The following THSD4 variants were observed in gnomAD, a reference collection of about 807,000 sequenced individuals.
THSD4 encodes the protein thrombospondin type-1 domain-containing protein 4.
In THSD4, 69 loss-of-function variants were observed where a neutral mutation model predicts 119.0. The ratio of observed to expected loss-of-function variants is 0.58; its 90% CI spans 0.48 to 0.71. The LOEUF (loss-of-function observed/expected upper bound fraction) is 0.71. Ranked by LOEUF, THSD4 falls within the 30% of genes least tolerant of loss-of-function variation. The pLI, the probability that THSD4 is intolerant of heterozygous loss-of-function variation, is 0.00. For synonymous variants in THSD4, 524 were observed against 540.4 expected, an observed-to-expected ratio of 0.97 and a Z score of 0.42; for missense variants, 1,393 against 1,391.1, an observed-to-expected ratio of 1.00 and a Z score of -0.02.
chr15:71,328,340 G>A (rs1596339981), intron 6 of THSD4, among the ~76,000 whole-genome samples: 1 of 152,178 alleles, frequency 6.6e-6, no homozygotes, highest in East Asian at 1.9e-4. Context: ...ATAGCTTGGT[G>A]GGTGAAGAAT....
chr15:71,716,581 T>TGTGTGTGTGTGTGTGTGTGTGTG (rs1567116002), intron 8 of THSD4, among the ~76,000 whole-genome samples: 1 of 43,336 alleles, frequency 2.3e-5, no homozygotes, highest in Non-Finnish European at 5.6e-5. Context: ...TGTGTGTGTG[T>TGTGTGTGTGTGTGTGTGTGTGTG]TGGTTTTTGT....
intron 5 of THSD4, among the ~76,000 whole-genome samples, chr15:71,252,905 C>A (rs1362707641): frequency 6.6e-6 from 1 of 151,148 alleles, no homozygotes; most frequent in Admixed American, 6.6e-5. Context: ...TCAGTCCAGG[C>A]TTCTGCCTTC....
chr15:71,482,169 G>C (rs1343330312), intron 7 of THSD4, among the ~76,000 whole-genome samples: 7 of 152,186 alleles, frequency 4.6e-5, no homozygotes, highest in African/African-American at 1.7e-4. Context: ...AACTACAGTT[G>C]ATTCAGTGGC....
At chr15:71,146,598 A>G (rs1039598359) in intron 2 of THSD4, among the ~76,000 whole-genome samples, 1 of 152,164 alleles carries the variant, frequency 6.6e-6, no homozygotes, top group Non-Finnish European at 1.5e-5. Flanking sequence ...TGTCACTACA[A>G]AGCAATAGCA....
At chr15:71,372,689 CG>C (rs1044191987) in intron 6 of THSD4, among the ~76,000 whole-genome samples, 44 of 152,332 alleles carry the variant, frequency 2.9e-4, no homozygotes, top group African/African-American at 9.6e-4. Context: ...GTGCCCCTAC[CG>C]GGGGGTGCCT....
At chr15:71,645,408 T>C (rs944796107) in intron 7 of THSD4, among the ~76,000 whole-genome samples, 2 of 152,100 alleles carry the variant, frequency 1.3e-5, no homozygotes, top group Admixed American at 1.3e-4. Flanking sequence ...TCAGATCTCA[T>C]GAGAACTTAC....
chr15:71,332,891 C>CTTTTTTTTTTTTT lies in THSD4; in HGVS notation c.1015+76176_1015+76177insTTTTTTTTTTTTT, dbSNP rs1184457820. ...TTCTTAAAACATTGAGATTTTTTTA[C>CTTTTTTTTTTTTT]ATTTTTTTTTTTTTTTTAGTTCATC... On this transcript the variant is annotated intron_variant, in intron 6 of 17. Transcript: ENST00000261862. Among the ~76,000 whole-genome samples, 50 of 38,042 alleles carry CTTTTTTTTTTTTT rather than the reference C, an allele frequency of 1.3e-3. 7 individuals are homozygous for CTTTTTTTTTTTTT. Among genetic ancestry groups the CTTTTTTTTTTTTT allele is most frequent in the Middle Eastern group, 0.013 (1 of 80 alleles). 25.0% of individuals were successfully genotyped at this position (38,042 alleles called of 152,430 possible).
At position 71,783,001 on chromosome 15, in the gene THSD4, T is replaced by G. The variant is rs2054020813; in HGVS notation, c.*5627T>G. The stretch of plus-strand genomic sequence containing the variant: ...AGGCTGAGAGGGAAGTGGTGGCATT[T>G]ACTGCTCTGACACTTCCACTGTCCC... On this transcript the variant is annotated 3_prime_UTR_variant, in exon 18 of 18. Transcript: ENST00000261862. 1 of 152,310 alleles carries G rather than the reference T, an allele frequency of 6.6e-6. No homozygotes were observed. Among genetic ancestry groups the G allele is most frequent in the African/African-American group, 2.4e-5 (1 of 41,452 alleles). The allele number at this position is 152,310 out of a possible 1,614,324, so 9.4% of individuals were successfully genotyped here. A position where few individuals can be genotyped will look rare whatever the true frequency, so the allele number is the denominator to read the frequency against.
intron 7 of THSD4, among the ~76,000 whole-genome samples, chr15:71,427,196 TATACAC>T (rs1384256810): frequency 3.5e-5 from 5 of 143,014 alleles, no homozygotes; most frequent in Non-Finnish European, 7.8e-5. Context: ...CAACCTAAAT[TATACAC>T]ATAATTATTA....
chr15:71,173,565 C>CATAT (rs1161825798), intron 3 of THSD4, among the ~76,000 whole-genome samples: 31 of 92,600 alleles, frequency 3.3e-4, no homozygotes, highest in African/African-American at 9.4e-4. Context: ...CACACACACA[C>CATAT]ACATATATAT....
intron 6 of THSD4, among the ~76,000 whole-genome samples, chr15:71,365,359 A>G (rs2045947784): frequency 6.6e-6 from 1 of 152,112 alleles, no homozygotes; most frequent in African/African-American, 2.4e-5. Context: ...TGTAACAGTA[A>G]CAAAGCCACC....
intron 6 of THSD4, among the ~76,000 whole-genome samples, chr15:71,310,852 CAG>C (rs1478813048): frequency 6.6e-6 from 1 of 152,252 alleles, no homozygotes; most frequent in Middle Eastern, 3.4e-3. Context: ...GACTGAGAGA[CAG>C]GGGGGCAGGA....
At chr15:71,623,844 A>C (rs1258773259) in intron 7 of THSD4, among the ~76,000 whole-genome samples, 1 of 151,030 alleles carries the variant, frequency 6.6e-6, no homozygotes, top group Non-Finnish European at 1.5e-5. Context: ...AGTCACTTGA[A>C]CCTGGGAGGT....
At chr15:71,307,254 G>A (rs1381079769) in intron 6 of THSD4, among the ~76,000 whole-genome samples, 1 of 152,154 alleles carries the variant, frequency 6.6e-6, no homozygotes, top group Non-Finnish European at 1.5e-5. Context: ...GGGAAGTTAG[G>A]TTGTCATGTA....
rs111632620 is a variant in THSD4 at position 71,686,248 on chromosome 15, A to C, written c.1357+25514A>C. ...CATGATGTGTAAGTTGGATTCACTTATTAACCCAAACTACTTGAGGCATCT... is the reference window on the plus strand; with the variant it reads ...CATGATGTGTAAGTTGGATTCACTTCTTAACCCAAACTACTTGAGGCATCT... On this transcript the variant is annotated intron_variant, in intron 8 of 17. Transcript: ENST00000261862. Among the ~76,000 whole-genome samples, 1,139 of 152,302 alleles carry C rather than the reference A, an allele frequency of 7.5e-3. 15 individuals carry two copies. Among genetic ancestry groups the C allele is most frequent in the African/African-American group, 0.026 (1,087 of 41,562 alleles).
At chr15:71,183,886 C>A (rs536262214) in intron 3 of THSD4, 1 of 151,772 alleles carries the variant, frequency 6.6e-6, no homozygotes, top group Non-Finnish European at 1.5e-5. Flanking sequence ...GAAACTCTTG[C>A]GTTGTGACAA....
In THSD4 at chr15:71,341,588, C is replaced by T. The variant is rs371003264; in HGVS notation, c.1016-70099C>T. The T allele has an allele frequency of 8.8e-5, 140 of 1,598,504 alleles. 1 individual carries two copies. In the African/African-American group the frequency reaches 1.6e-3, roughly 18 times the overall value. ...ATCTTTCAGATACTTCGTGGCTTTT[C>T]GTATATGCATACCCTTGATGGCCTG... is the stretch of plus-strand genomic sequence containing the variant. On this transcript the variant is annotated intron_variant, in intron 6 of 17. Coordinates refer to ENST00000261862, the MANE Select transcript of THSD4 (RefSeq NM_024817.3).
chr15:71,140,008 C>T (rs1193330170), intron 1 of THSD4, among the ~76,000 whole-genome samples: 1 of 152,230 alleles, frequency 6.6e-6, no homozygotes, highest in Non-Finnish European at 1.5e-5. Context: ...AAACTATTGG[C>T]TCACTTGACA....
chr15:71,630,080 C>G (rs552184610), intron 7 of THSD4, among the ~76,000 whole-genome samples: 25 of 152,314 alleles, frequency 1.6e-4, no homozygotes, highest in African/African-American at 6.0e-4. Context: ...AGCTGGCTCT[C>G]AATCATGTTC....
Sources: gnomAD v4.1 joint callset for allele counts (sites outside exome capture counted in the v4.1 genomes callset) on GRCh38, gnomAD v4.1.1 for gene constraint, MANE v1.5 for transcripts, NCBI Gene and HGNC (gene_info 2026-07-23, HGNC 2026-07-21) for gene names.